Variants in ARL5C observed in about 807,000 individuals in gnomAD.
ARL5C encodes the protein putative ADP-ribosylation factor-like protein 5C.
In ARL5C, 21 loss-of-function variants were observed where a neutral mutation model predicts 20.8. The ratio of observed to expected loss-of-function variants is 1.01; its 90% CI spans 0.72 to 1.46. The LOEUF is 1.46. Ranked by LOEUF, ARL5C falls within the 40% of genes most tolerant of loss-of-function variation. The probability of loss-of-function intolerance (pLI) is 0.00; values close to 1 mark genes in which losing one functional copy is unlikely to be tolerated. For missense variants in ARL5C, 199 were observed against 225.1 expected, an observed-to-expected ratio of 0.88 and a Z score of 0.74; for synonymous variants, 71 against 81.6, an observed-to-expected ratio of 0.87 and a Z score of 0.70.
At chr17:39,162,419 G>A (rs2045439623) in intron 3 of ARL5C, among the ~76,000 whole-genome samples, 1 of 152,204 alleles carries the variant, frequency 6.6e-6, no homozygotes, top group African/African-American at 2.4e-5. Flanking sequence ...TCCTGTCTCA[G>A]CCTCCCGAGT....
Position 39,160,338 on chromosome 17 carries a change from A to AG in ARL5C, c.491+252_491+253insC, listed in dbSNP as rs1555575871. The AG allele has an allele frequency of 1.4e-3, 535 of 392,596 alleles. 3 individuals are homozygous for AG. Among genetic ancestry groups the AG allele is most frequent in the African/African-American group, 0.011 (490 of 46,420 alleles). 24.3% of individuals were successfully genotyped at this position (392,596 alleles called of 1,614,324 possible). A position where few individuals can be genotyped will look rare whatever the true frequency, so the allele number is the denominator to read the frequency against. ...AAACTCTGTCTCAAAAAAAAAAAAA[A>AG]AGAGAGAGAGATTATTGCATTTAGG... On this transcript the variant is annotated intron_variant, in intron 5 of 5. Coordinates refer to ENST00000269586, the MANE Select transcript of ARL5C (RefSeq NM_001143968.1).
intron 2 of ARL5C, among the ~76,000 whole-genome samples, chr17:39,163,332 G>A (rs972163151): frequency 3.3e-5 from 4 of 122,858 alleles, no homozygotes; most frequent in African/African-American, 5.5e-5. Context: ...CTGGGCAGGG[G>A]TCCAGGCTTT....
Position 39,161,403 on chromosome 17 carries a change from G to A in ARL5C, c.256-52C>T, listed in dbSNP as rs1427736349. On this transcript the variant is annotated intron_variant, in intron 3 of 5. Transcript: ENST00000269586. ...GACAGGCTTTCTCTTTGGTAAATGT[G>A]TTTCCTGCCCTCTTTCTTTCCCCAC... The A allele has an allele frequency of 8.6e-6, 13 of 1,508,478 alleles. No individual in the cohort carries two copies. The Admixed American group carries it at 1.2e-4, about 14-fold the overall frequency. The allele number at this position is 1,508,478 out of a possible 1,614,324, so 93.4% of individuals were successfully genotyped here.
intron 5 of ARL5C, among the ~76,000 whole-genome samples, chr17:39,158,062 C>A (rs1374764683): frequency 6.8e-6 from 1 of 147,452 alleles, no homozygotes; most frequent in African/African-American, 2.5e-5. Flanking sequence ...CGCGCCACTG[C>A]GCTCCAGCCT....
At chr17:39,157,083 T>A (rs1439988816) in intron 5 of ARL5C, 141 bp from the exon 6 acceptor site, 2 of 932,190 alleles carry the variant, frequency 2.1e-6, no homozygotes, top group Non-Finnish European at 1.6e-6. Flanking sequence ...TGAACTGGCT[T>A]GAGTATCTGC....
intron 2 of ARL5C, among the ~76,000 whole-genome samples, chr17:39,163,825 C>T (rs922568936): frequency 2.0e-5 from 3 of 151,570 alleles, no homozygotes; most frequent in Non-Finnish European, 4.4e-5. Flanking sequence ...AGTACAGTGG[C>T]GCAGTCTCAG....
Position 39,165,141 on chromosome 17 carries a change from T to C in ARL5C, c.47-2A>G. Reference sequence around the variant, plus strand: ...GTCCCACGATGATGACCGTGTGCTCTGGAAGCGTCGGAGGAAGGGCAGCGT... The same window carrying C: ...GTCCCACGATGATGACCGTGTGCTCCGGAAGCGTCGGAGGAAGGGCAGCGT... On this transcript the variant is annotated splice_acceptor_variant, in intron 1 of 5. Transcript: ENST00000269586. LOFTEE classifies it high-confidence loss of function. The C allele has an allele frequency of 1.3e-6, 2 of 1,551,556 alleles. No individual in the cohort carries two copies. The highest frequency in any genetic ancestry group is 1.2e-5 in the South Asian group (1 of 84,046).
chr17:39,162,748 A>G lies in ARL5C; in HGVS notation c.218T>C (p.Leu73Pro). ...GTAGTATGTGTTCCAGATAAAGCTC[A>G]GAGCCTCAGGTCTCACTATGTCCCA... ...FMWDIVRPEA[L>P]SFIWNTYYSN... Residue 73 changes from leucine to proline, a missense_variant, in exon 3 of 6, where the codon CTG becomes CCG. Physicochemically the swap from Leu to Pro is moderately conservative, Grantham distance 98. Coordinates refer to ENST00000269586, the MANE Select transcript of ARL5C (RefSeq NM_001143968.1). 6.4e-7 allele frequency: 1 copy of G among 1,551,766 alleles called. No homozygotes were observed. Among genetic ancestry groups the G allele is most frequent in the Non-Finnish European group, 8.7e-7 (1 of 1,146,994 alleles).
intron 5 of ARL5C, among the ~76,000 whole-genome samples, chr17:39,157,654 T>C (rs1019568836): frequency 4.0e-5 from 6 of 151,854 alleles, no homozygotes; most frequent in Non-Finnish European, 8.8e-5. Flanking sequence ...ACTGGGCATG[T>C]TGGCGCATGC....
At chr17:39,159,405 T>G (rs1447939118) in intron 5 of ARL5C, among the ~76,000 whole-genome samples, 1 of 151,462 alleles carries the variant, frequency 6.6e-6, no homozygotes, top group East Asian at 1.9e-4. Flanking sequence ...CAAGCGCTTC[T>G]CCTGCCTCAC....
chr17:39,156,993 G>A, intron 5 of ARL5C, 51 bp from the exon 6 acceptor site: 1 of 1,545,662 alleles, frequency 6.5e-7, no homozygotes, highest in Non-Finnish European at 8.8e-7. Context: ...GAGAATGATG[G>A]CCTTCAAGTC....
At chr17:39,164,256 A>T (rs1409459635) in intron 2 of ARL5C, 1 of 152,210 alleles carries the variant, frequency 6.6e-6, no homozygotes, top group East Asian at 1.9e-4. Flanking sequence ...ATAAGCTTTC[A>T]GGTGATGCCT....
rs550194233 is a variant in ARL5C, at chr17:39,161,349, A to T, written c.258T>A (p.Phe86Leu). The T allele has an allele frequency of 6.4e-7, 1 of 1,551,932 alleles. No individual in the cohort carries two copies. Among genetic ancestry groups the T allele is most frequent in the South Asian group, 1.2e-5 (1 of 84,060 alleles). ...CCGTGCTGTCAATCACAAGGATGATAAACTGGGCAGCAGAGGGGAGCCGTG... is the reference window on the plus strand; with the variant it reads ...CCGTGCTGTCAATCACAAGGATGATTAACTGGGCAGCAGAGGGGAGCCGTG... ...IWNTYYSNTE[F>L]IILVIDSTDR... Residue 86 changes from phenylalanine to leucine, a missense_variant and splice_region_variant, in exon 4 of 6, where the codon TTT (phenylalanine) becomes TTA (leucine). Transcript: ENST00000269586.
intron 1 of ARL5C, 138 bp downstream of exon 1, chr17:39,165,577 G>A: frequency 9.3e-7 from 1 of 1,079,624 alleles, no homozygotes; most frequent in Non-Finnish European, 1.3e-6. Flanking sequence ...GGGCAGGGGA[G>A]GCCGCGGGGC....
intron 5 of ARL5C, among the ~76,000 whole-genome samples, chr17:39,157,754 C>T (rs1405710297): frequency 6.7e-6 from 1 of 148,202 alleles, no homozygotes; most frequent in African/African-American, 2.5e-5. Flanking sequence ...CATGCTATTG[C>T]ACTCCAGCCT....
At chr17:39,160,549 G>A in intron 5 of ARL5C, 42 bp downstream of exon 5, 1 of 1,546,892 alleles carries the variant, frequency 6.5e-7, no homozygotes, top group Non-Finnish European at 8.7e-7. Flanking sequence ...TCATCCATTG[G>A]TTCAGCCAGG....
intron 1 of ARL5C, 102 bp downstream of exon 1, chr17:39,165,613 C>T: frequency 6.8e-7 from 1 of 1,466,032 alleles, no homozygotes; most frequent in Non-Finnish European, 9.3e-7. Flanking sequence ...ATATACGACC[C>T]TCGGAGCCCG....
chr17:39,162,190 C>T (rs563121160), intron 3 of ARL5C, among the ~76,000 whole-genome samples: 2 of 152,296 alleles, frequency 1.3e-5, no homozygotes, highest in Admixed American at 6.5e-5. Flanking sequence ...TATTCAAACA[C>T]GTTAACAGGC....
intron 4 of ARL5C, among the ~76,000 whole-genome samples, 183 bp from the exon 5 acceptor site, chr17:39,160,925 C>T (rs1008296104): frequency 6.6e-6 from 1 of 152,196 alleles, no homozygotes; most frequent in Non-Finnish European, 1.5e-5. Flanking sequence ...ATCAGCAGCT[C>T]AAGGAAAGCC....
Sources: gnomAD v4.1 joint callset for allele counts (sites outside exome capture counted in the v4.1 genomes callset) on GRCh38, gnomAD v4.1.1 for gene constraint, MANE v1.5 for transcripts, NCBI Gene and HGNC (gene_info 2026-07-23, HGNC 2026-07-21) for gene names.